Variants in GRK3 observed in about 807,000 individuals in gnomAD.
GRK3 encodes the protein adrenergic, beta, receptor kinase 2.
In GRK3, 54 loss-of-function variants were observed where a neutral mutation model predicts 95.7. That is an observed-to-expected ratio of 0.56 (90% CI 0.45 to 0.71). The LOEUF (loss-of-function observed/expected upper bound fraction) is 0.71. Among genes scored for constraint, GRK3 ranks in the 30% least tolerant of loss-of-function variants. The pLI, the probability that GRK3 is intolerant of heterozygous loss-of-function variation, is 0.00. For missense variants in GRK3, 649 were observed against 851.2 expected (o/e 0.76, Z 2.96); for synonymous variants, 281 against 290.8 (o/e 0.97, Z 0.34).
At chr22:25,683,914 G>A (rs1163952875) in intron 9 of GRK3, among the ~76,000 whole-genome samples, 1 of 151,860 alleles carries the variant, frequency 6.6e-6, no homozygotes, top group African/African-American at 2.4e-5. Context: ...TGCCTTTTGT[G>A]GCCTAAGAAA....
chr22:25,614,401 C>T (rs549569337), intron 2 of GRK3, among the ~76,000 whole-genome samples: 3 of 152,108 alleles, frequency 2.0e-5, no homozygotes, highest in Admixed American at 6.6e-5. Flanking sequence ...CCCAAAGTGT[C>T]GGGATTATAG....
At chr22:25,625,456 C>G (rs1301440236) in intron 2 of GRK3, among the ~76,000 whole-genome samples, 2 of 152,180 alleles carry the variant, frequency 1.3e-5, no homozygotes, top group African/African-American at 4.8e-5. Flanking sequence ...AGCGGTGACA[C>G]CAGCATCTGG....
At chr22:25,675,654 G>A (rs1272937892) in intron 8 of GRK3, among the ~76,000 whole-genome samples, 1 of 152,200 alleles carries the variant, frequency 6.6e-6, no homozygotes, top group Non-Finnish European at 1.5e-5. Flanking sequence ...GGTGTTTGAG[G>A]CCCCCTAATT....
chr22:25,674,897 G>A (rs117905080), intron 8 of GRK3, among the ~76,000 whole-genome samples: 2,408 of 152,204 alleles, frequency 0.016, 32 homozygotes, highest in Middle Eastern at 0.065. Context: ...TGCAGTGAGC[G>A]GAGTTTGCCA....
At chr22:25,676,566 C>T (rs984051977) in intron 8 of GRK3, among the ~76,000 whole-genome samples, 1 of 151,896 alleles carries the variant, frequency 6.6e-6, no homozygotes, top group Non-Finnish European at 1.5e-5. Flanking sequence ...TCATGGGCGC[C>T]TCTAGTCCCA....
At chr22:25,586,524 TAAA>T (rs1328865742) in intron 1 of GRK3, among the ~76,000 whole-genome samples, 1 of 152,210 alleles carries the variant, frequency 6.6e-6, no homozygotes, top group Non-Finnish European at 1.5e-5. Flanking sequence ...AAAGATAAAT[TAAA>T]AAAAATCATG....
chr22:25,585,468 G>A (rs1386893601), intron 1 of GRK3, among the ~76,000 whole-genome samples: 1 of 152,106 alleles, frequency 6.6e-6, no homozygotes, highest in East Asian at 1.9e-4. Context: ...GCTGAACAGA[G>A]TTCAACTGAC....
intron 17 of GRK3, among the ~76,000 whole-genome samples, chr22:25,713,357 A>C (rs958246920): frequency 6.6e-6 from 1 of 152,166 alleles, no homozygotes; most frequent in South Asian, 2.1e-4. Flanking sequence ...AAAGAGGAAA[A>C]ACTCTACAGG....
chr22:25,703,607 G>A (rs367934454), intron 14 of GRK3, 31 bp downstream of exon 14: 52 of 1,480,092 alleles, frequency 3.5e-5, no homozygotes, highest in Admixed American at 5.1e-5. Flanking sequence ...ATTCTTGTCT[G>A]TATGGTAATT....
chr22:25,689,955 T>C (rs2146437607), intron 11 of GRK3, among the ~76,000 whole-genome samples: 1 of 152,376 alleles, frequency 6.6e-6, no homozygotes, highest in East Asian at 1.9e-4. Flanking sequence ...TGTTTCATTT[T>C]CTAATGAGTA....
intron 11 of GRK3, among the ~76,000 whole-genome samples, chr22:25,688,006 G>A (rs990005161): frequency 1.3e-5 from 2 of 152,162 alleles, no homozygotes; most frequent in Non-Finnish European, 2.9e-5. Context: ...GGAGGCCAAG[G>A]AGGGCGGATC....
chr22:25,688,823 A>G (rs2146436372), intron 11 of GRK3, among the ~76,000 whole-genome samples: 1 of 152,374 alleles, frequency 6.6e-6, no homozygotes, highest in African/African-American at 2.4e-5. Context: ...ACCTTGATGA[A>G]TTAATGATTG....
chr22:25,718,349 A>G lies in GRK3; in HGVS notation c.1759A>G (p.Arg587Gly). ...QRRYFYLFPN[R>G]LEWRGEGESR... ...TCGCTATTTTTACCTCTTTCCAAATAGACTTGAATGGAGAGGAGAGGGAGA... is the reference window on the plus strand; with the variant it reads ...TCGCTATTTTTACCTCTTTCCAAATGGACTTGAATGGAGAGGAGAGGGAGA... Residue 587 changes from arginine to glycine, a missense_variant, in exon 19 of 21, where the codon AGA becomes GGA. Around this residue, in one of 3 missense-constraint regions of GRK3, gnomAD observed 382 missense variants for 493.8 expected, o/e 0.77. Transcript: ENST00000324198. The G allele has an allele frequency of 6.2e-7, 1 of 1,614,164 alleles. No homozygotes were observed. Among genetic ancestry groups the G allele is most frequent in the Non-Finnish European group, 8.5e-7 (1 of 1,180,014 alleles).
At chr22:25,608,761 G>A (rs1402370943) in intron 2 of GRK3, among the ~76,000 whole-genome samples, 3 of 152,182 alleles carry the variant, frequency 2.0e-5, no homozygotes, top group Admixed American at 6.5e-5. Flanking sequence ...CGGGCTGACC[G>A]ACACCTTGAA....
chr22:25,625,349 A>G (rs1323998102), intron 2 of GRK3, among the ~76,000 whole-genome samples: 1 of 152,184 alleles, frequency 6.6e-6, no homozygotes, highest in Admixed American at 6.5e-5. Context: ...CCATACAGAG[A>G]TAGGAGCTGA....
chr22:25,685,138 T>C, intron 9 of GRK3, 32 bp from the exon 10 acceptor site: 1 of 1,506,334 alleles, frequency 6.6e-7, no homozygotes, highest in Non-Finnish European at 9.2e-7. Flanking sequence ...CAGCTTTTGC[T>C]CTTCTTATAA....
At chr22:25,655,470 A>G (rs1021817791) in intron 3 of GRK3, among the ~76,000 whole-genome samples, 1 of 152,202 alleles carries the variant, frequency 6.6e-6, no homozygotes, top group Non-Finnish European at 1.5e-5. Flanking sequence ...TACATTTTCT[A>G]GCAAGTCTGT....
intron 2 of GRK3, among the ~76,000 whole-genome samples, chr22:25,623,563 A>G (rs1269034432): frequency 1.3e-5 from 2 of 152,226 alleles, no homozygotes; most frequent in Non-Finnish European, 2.9e-5. Context: ...TGCCTCTACC[A>G]GAACAGATCA....
chr22:25,682,020 G>A (rs2085078442), intron 9 of GRK3, among the ~76,000 whole-genome samples: 1 of 152,080 alleles, frequency 6.6e-6, no homozygotes, highest in Admixed American at 6.6e-5. Context: ...CGAGAGGTGA[G>A]GGTTGCAGTA....
Sources: gnomAD v4.1 joint callset for allele counts (sites outside exome capture counted in the v4.1 genomes callset) on GRCh38, gnomAD v4.1.1 for gene constraint, gnomAD v4.1.1 regional missense constraint, MANE v1.5 for transcripts, NCBI Gene and HGNC (gene_info 2026-07-23, HGNC 2026-07-21) for gene names.